The following CUL3 variants were observed in gnomAD, a reference collection of about 807,000 sequenced individuals.
CUL3 encodes the protein cullin 3.
In CUL3, 19 loss-of-function variants were observed where a neutral mutation model predicts 89.1. The ratio of observed to expected loss-of-function variants is 0.21; its 90% CI spans 0.15 to 0.31. The LOEUF (loss-of-function observed/expected upper bound fraction) is 0.31. Among genes scored for constraint, CUL3 ranks in the 10% least tolerant of loss-of-function variants. The pLI is 1.00. For synonymous variants in CUL3, 351 were observed against 308.4 expected, an observed-to-expected ratio of 1.14 and a Z score of -1.45; for missense variants, 469 against 942.3, an observed-to-expected ratio of 0.50 and a Z score of 6.58.
intron 3 of CUL3, among the ~76,000 whole-genome samples, chr2:224,521,425 T>C (rs1247844919): frequency 1.3e-5 from 2 of 151,898 alleles, no homozygotes; most frequent in Non-Finnish European, 1.5e-5. Flanking sequence ...TCCAGTAGTT[T>C]CATACTTCTT....
At chr2:224,481,826 A>ATT in intron 14 of CUL3, 66 bp downstream of exon 14, 1 of 1,139,752 alleles carries the variant, frequency 8.8e-7, no homozygotes, top group Non-Finnish European at 1.2e-6. Context: ...AATCCAATAG[A>ATT]TGAGATTTTT....
chr2:224,521,939 G>A (rs1056411621), intron 3 of CUL3, among the ~76,000 whole-genome samples: 2 of 151,706 alleles, frequency 1.3e-5, no homozygotes, highest in Non-Finnish European at 2.9e-5. Context: ...AACTGTTTTT[G>A]TCTACTACTG....
At position 224,503,083 on chromosome 2, in the gene CUL3, A is replaced by G; in HGVS notation, c.1378-11T>C. 1 of 1,500,954 alleles carries G rather than the reference A, an allele frequency of 6.7e-7. No individual in the cohort carries two copies. The highest frequency in any genetic ancestry group is 9.3e-7 in the Non-Finnish European group (1 of 1,078,194). 93.0% of individuals were successfully genotyped at this position (1,500,954 alleles called of 1,614,324 possible). On this transcript the variant is annotated splice_polypyrimidine_tract_variant and intron_variant, in intron 9 of 15. Coordinates refer to ENST00000264414, the MANE Select transcript of CUL3 (RefSeq NM_003590.5). Reference sequence around the variant, plus strand: ...ACATCCACATTCAGTCTGTGGAGGAAAAACACAAATATACACAAATAAATG... The same window carrying G: ...ACATCCACATTCAGTCTGTGGAGGAGAAACACAAATATACACAAATAAATG...
chr2:224,524,106 C>A (rs1387341986), intron 3 of CUL3, among the ~76,000 whole-genome samples: 1 of 151,936 alleles, frequency 6.6e-6, no homozygotes, highest in Non-Finnish European at 1.5e-5. Context: ...AACCAAAAAC[C>A]CCCAGTGTTT....
intron 2 of CUL3, among the ~76,000 whole-genome samples, chr2:224,544,835 G>A (rs1298248437): frequency 6.6e-6 from 1 of 151,012 alleles, no homozygotes; most frequent in African/African-American, 2.4e-5. Flanking sequence ...AAGCTTCATG[G>A]CTCTTTCCCT....
chr2:224,574,147 A>G (rs184857610), intron 1 of CUL3, among the ~76,000 whole-genome samples: 2 of 152,330 alleles, frequency 1.3e-5, no homozygotes, highest in African/African-American at 4.8e-5. Context: ...AAGGAATCTT[A>G]TATTTTCTTA....
In CUL3 at chr2:224,585,162, CGCGGCGGCGGCGGGGGCGGCGGCGGCG is replaced by C. The variant is rs1231399527; in HGVS notation, c.-180_-154del. 2.7e-4 allele frequency: 92 copies of C among 345,528 alleles called. 1 individual carries two copies. The highest frequency in any genetic ancestry group is 3.6e-4 in the Non-Finnish European group (85 of 235,184). 21.4% of individuals were successfully genotyped at this position (345,528 alleles called of 1,614,324 possible). A position where few individuals can be genotyped will look rare whatever the true frequency, so the allele number is the denominator to read the frequency against. On this transcript the variant is annotated 5_prime_UTR_variant, in exon 1 of 16. Transcript: ENST00000264414. ...GGGAGCTGGCCGGCCCCTGGGCAGC[CGCGGCGGCGGCGGGGGCGGCGGCGGCG>C]GCGGCGGCGGCTCGGACTCTGGCGA...
At chr2:224,512,741 T>TA (rs1248604101) in intron 5 of CUL3, among the ~76,000 whole-genome samples, 1 of 152,246 alleles carries the variant, frequency 6.6e-6, no homozygotes, top group African/African-American at 2.4e-5. Flanking sequence ...TTTAAGTGAC[T>TA]AAAAGCCTGC....
At chr2:224,552,496 T>G (rs1430257370) in intron 2 of CUL3, among the ~76,000 whole-genome samples, 1 of 152,210 alleles carries the variant, frequency 6.6e-6, no homozygotes, top group Admixed American at 6.5e-5. Flanking sequence ...TGCTTCAATT[T>G]TGTGAACTTA....
At chr2:224,570,272 G>A (rs1019427707) in intron 1 of CUL3, among the ~76,000 whole-genome samples, 6 of 152,134 alleles carry the variant, frequency 3.9e-5, no homozygotes, top group Non-Finnish European at 8.8e-5. Flanking sequence ...TATTCCTTAA[G>A]CAACATCAAC....
chr2:224,571,350 CTATT>C (rs1454643313), intron 1 of CUL3, among the ~76,000 whole-genome samples: 1 of 152,220 alleles, frequency 6.6e-6, no homozygotes, highest in East Asian at 1.9e-4. Context: ...TTTAACACTA[CTATT>C]TATTTATACA....
intron 7 of CUL3, among the ~76,000 whole-genome samples, chr2:224,506,507 A>G (rs1475200112): frequency 6.6e-6 from 1 of 152,212 alleles, no homozygotes; most frequent in East Asian, 1.9e-4. Context: ...GTACTCCTTG[A>G]AAACAAAACA....
rs16866019 is a variant in CUL3 at position 224,503,376 on chromosome 2, A to G, written c.1377+276T>C. Among the ~76,000 whole-genome samples the G allele has an allele frequency of 9.3e-3, 1,422 of 152,302 alleles. 16 individuals carry two copies. The highest frequency in any genetic ancestry group is 0.033 in the African/African-American group (1,353 of 41,566). Reference sequence around the variant, plus strand: ...CACACTTTGTGAAAAAGAACTACACAGCATAGCCTCTTTATTGTTTCCCTT... The same window carrying G: ...CACACTTTGTGAAAAAGAACTACACGGCATAGCCTCTTTATTGTTTCCCTT... On this transcript the variant is annotated intron_variant, in intron 9 of 15. Transcript: ENST00000264414.
In CUL3 at chr2:224,471,337, A is replaced by G. The variant is rs1360822867; in HGVS notation, c.*2908T>C. On this transcript the variant is annotated 3_prime_UTR_variant, in exon 16 of 16. Transcript: ENST00000264414. Reference sequence around the variant, plus strand: ...TCTTTAACACTAGTTACTGAAAATGAGTATCTTAAACTGTAAACATTAAAA... The same window carrying G: ...TCTTTAACACTAGTTACTGAAAATGGGTATCTTAAACTGTAAACATTAAAA... 3 of 201,946 alleles carry G rather than the reference A, an allele frequency of 1.5e-5. No individual in the cohort carries two copies. Among genetic ancestry groups the G allele is most frequent in the Admixed American group, 6.0e-5 (1 of 16,700 alleles). The allele number at this position is 201,946 out of a possible 1,614,324, so 12.5% of individuals were successfully genotyped here. A position where few individuals can be genotyped will look rare whatever the true frequency, so the allele number is the denominator to read the frequency against.
intron 1 of CUL3, 103 bp from the exon 2 acceptor site, chr2:224,557,959 T>C (rs1004749359): frequency 1.6e-6 from 1 of 639,216 alleles, no homozygotes; most frequent in East Asian, 2.8e-5. Flanking sequence ...TATTGTATTA[T>C]ATAGATATGA....
At chr2:224,509,323 A>T (rs1692725418) in intron 6 of CUL3, among the ~76,000 whole-genome samples, 1 of 152,092 alleles carries the variant, frequency 6.6e-6, no homozygotes, top group Non-Finnish European at 1.5e-5. Flanking sequence ...GATTCAAATG[A>T]TCCTCTCACC....
At chr2:224,564,820 C>A (rs1368360607) in intron 1 of CUL3, among the ~76,000 whole-genome samples, 2 of 148,586 alleles carry the variant, frequency 1.3e-5, no homozygotes, top group Non-Finnish European at 3.0e-5. Flanking sequence ...CTTATCATGT[C>A]AAAAATCCCT....
intron 13 of CUL3, among the ~76,000 whole-genome samples, chr2:224,489,108 C>A (rs908426929): frequency 1.2e-4 from 18 of 152,120 alleles, no homozygotes; most frequent in Non-Finnish European, 2.1e-4. Flanking sequence ...GAACATATCT[C>A]AAAATAATAA....
intron 1 of CUL3, among the ~76,000 whole-genome samples, chr2:224,582,443 A>G (rs917082774): frequency 8.5e-5 from 13 of 152,236 alleles, no homozygotes; most frequent in African/African-American, 2.9e-4. Flanking sequence ...ATCTATCTGT[A>G]ACAAAGGGCC....
Sources: gnomAD v4.1 joint callset for allele counts (sites outside exome capture counted in the v4.1 genomes callset) on GRCh38, gnomAD v4.1.1 for gene constraint, MANE v1.5 for transcripts, NCBI Gene and HGNC (gene_info 2026-07-23, HGNC 2026-07-21) for gene names.